UTRN: variants seen among roughly 807,000 people sequenced by gnomAD.
UTRN encodes dystrophin-related protein 1.
UTRN carries 283 observed loss-of-function variants against 463.9 expected under a neutral mutation model. The ratio of observed to expected loss-of-function variants is 0.61; its 90% confidence interval spans 0.55 to 0.67. The LOEUF is 0.67. Ranked by LOEUF, UTRN falls within the 30% of genes least tolerant of loss-of-function variation. The pLI, the probability that UTRN is intolerant of heterozygous loss-of-function variation, is 0.00. For synonymous variants in UTRN, 1,442 were observed against 1,431.5 expected, an observed-to-expected ratio of 1.01 and a Z score of -0.17; for missense variants, 3,922 against 4,084.3, an observed-to-expected ratio of 0.96 and a Z score of 1.08.
rs1029951513 is a variant in UTRN at position 144,436,772 on chromosome 6, TA to T, written c.1059+635del. ...TTTATTTTATATATATATTTATATA[TA>T]TAATAAATAAATATATATTTATATA... On this transcript the variant is annotated intron_variant, in intron 10 of 74. Coordinates refer to ENST00000367545, the MANE Select transcript of UTRN (RefSeq NM_007124.3). 1.6e-4 allele frequency among the ~76,000 whole-genome samples: 23 copies of T among 144,062 alleles called. 1 individual carries two copies. Among genetic ancestry groups the T allele is most frequent in the African/African-American group, 5.3e-4 (21 of 39,620 alleles). 94.5% of individuals were successfully genotyped at this position (144,062 alleles called of 152,430 possible).
Position 144,437,761 on chromosome 6 carries a change from A to T in UTRN, c.1241+15A>T, listed in dbSNP as rs774357687. The T allele has an allele frequency of 6.2e-7, 1 of 1,601,334 alleles. No homozygotes were observed. Among genetic ancestry groups the T allele is most frequent in the Admixed American group, 1.7e-5 (1 of 57,614 alleles). Reference sequence around the variant, plus strand: ...AGACAGTCCCGGTGAGTGGAAAGCCAAGAAATGCACTTAATTCCACAGGCT... The same window carrying T: ...AGACAGTCCCGGTGAGTGGAAAGCCTAGAAATGCACTTAATTCCACAGGCT... On this transcript the variant is annotated intron_variant, in intron 11 of 74. Coordinates refer to ENST00000367545, the MANE Select transcript of UTRN (RefSeq NM_007124.3).
At chr6:144,301,808 A>G (rs570780274) in intron 2 of UTRN, among the ~76,000 whole-genome samples, 1 of 152,006 alleles carries the variant, frequency 6.6e-6, no homozygotes, top group South Asian at 2.1e-4. Flanking sequence ...ATACTGGATT[A>G]CAGGCGTGAG....
chr6:144,492,579 C>T (rs1463679581), intron 32 of UTRN, among the ~76,000 whole-genome samples: 1 of 152,160 alleles, frequency 6.6e-6, no homozygotes, highest in Non-Finnish European at 1.5e-5. Context: ...ATGTTTAGTT[C>T]TTTGAGATAT....
rs569847112 is a variant in UTRN, at chr6:144,554,332, C to T, written c.6929-356C>T. ...AGTTCTGTCATGAAGTACTGTTAAA[C>T]CCTACCTTCATCAAACCAGGTCTAT... On this transcript the variant is annotated intron_variant, in intron 48 of 74. Transcript: ENST00000367545. Among the ~76,000 whole-genome samples the T allele has an allele frequency of 2.6e-5, 4 of 152,280 alleles. 1 individual carries two copies. In the South Asian group the frequency reaches 8.3e-4, roughly 32 times the overall value.
intron 51 of UTRN, among the ~76,000 whole-genome samples, chr6:144,580,259 G>A (rs1418513593): frequency 7.5e-6 from 1 of 133,924 alleles, no homozygotes; most frequent in Non-Finnish European, 1.6e-5. Context: ...CAGTCTTTGT[G>A]CACTAAGGAA....
intron 54 of UTRN, among the ~76,000 whole-genome samples, chr6:144,746,403 C>T (rs1790747415): frequency 6.6e-6 from 1 of 152,206 alleles, no homozygotes; most frequent in African/African-American, 2.4e-5. Context: ...GCAATCCTGA[C>T]ATGTTGCATG....
intron 2 of UTRN, among the ~76,000 whole-genome samples, chr6:144,326,090 A>G (rs1211382368): frequency 6.6e-6 from 1 of 152,202 alleles, no homozygotes; most frequent in African/African-American, 2.4e-5. Flanking sequence ...ATAACAGAGG[A>G]AAGGGGATGC....
chr6:144,600,467 TTAG>T (rs1326719716), intron 51 of UTRN, among the ~76,000 whole-genome samples: 5 of 152,336 alleles, frequency 3.3e-5, no homozygotes, highest in South Asian at 2.1e-4. Flanking sequence ...TGAGAACATT[TTAG>T]TGGTCTGGAT....
chr6:144,720,671 G>T (rs1787041956), intron 53 of UTRN, among the ~76,000 whole-genome samples: 1 of 152,298 alleles, frequency 6.6e-6, no homozygotes, highest in East Asian at 1.9e-4. Flanking sequence ...TACCTTCAAT[G>T]TGTTTATTCT....
Position 144,594,338 on chromosome 6 carries a change from T to C in UTRN, c.7479+17050T>C, listed in dbSNP as rs137968875. Among the ~76,000 whole-genome samples, 424 of 152,340 alleles carry C rather than the reference T, an allele frequency of 2.8e-3. 2 individuals carry two copies. The highest frequency in any genetic ancestry group is 8.5e-3 in the African/African-American group (354 of 41,576). Reference sequence around the variant, plus strand: ...CATATTTAAGCTCCCAGGAGATTACTGTAGTATCTTTCACTACATCTTATG... The same window carrying C: ...CATATTTAAGCTCCCAGGAGATTACCGTAGTATCTTTCACTACATCTTATG... On this transcript the variant is annotated intron_variant, in intron 51 of 74. Transcript: ENST00000367545.
In UTRN at chr6:144,523,051, G is replaced by T; in HGVS notation, c.5769G>T (p.Gln1923His). ...IKDQLDKLGE[Q>H]IAVIHEKQPD... ...ACCAACTGGACAAACTTGGAGAGCA[G>T]ATTGCAGTCATTCATGAAAAACAGC... The change falls in exon 41 of 75, where the codon CAG becomes CAT. Residue 1923 changes from glutamine (Q) to histidine (H), a missense_variant. This residue lies in a region of UTRN where 2,349 missense variants were observed against 2,303.8 expected (regional missense o/e 1.02). Transcript: ENST00000367545. The T allele has an allele frequency of 6.2e-7, 1 of 1,612,544 alleles. No individual in the cohort carries two copies. Among genetic ancestry groups the T allele is most frequent in the Non-Finnish European group, 8.5e-7 (1 of 1,179,490 alleles).
intron 2 of UTRN, among the ~76,000 whole-genome samples, chr6:144,363,537 G>A (rs1053706118): frequency 6.6e-6 from 1 of 152,174 alleles, no homozygotes; most frequent in South Asian, 2.1e-4. Flanking sequence ...AGGAATTTGT[G>A]CAGTAGCAAA....
chr6:144,673,480 C>T (rs943805708), intron 51 of UTRN, among the ~76,000 whole-genome samples: 1 of 151,998 alleles, frequency 6.6e-6, no homozygotes, highest in East Asian at 1.9e-4. Flanking sequence ...CTTTTGGTTT[C>T]CATTTGCATG....
chr6:144,802,794 AATAG>A (rs1334788684), intron 64 of UTRN, among the ~76,000 whole-genome samples: 1 of 152,156 alleles, frequency 6.6e-6, no homozygotes, highest in Non-Finnish European at 1.5e-5. Flanking sequence ...GTTTCAACTT[AATAG>A]ATATAATTCT....
chr6:144,433,916 A>C (rs995129631), intron 9 of UTRN, among the ~76,000 whole-genome samples: 1 of 149,406 alleles, frequency 6.7e-6, no homozygotes, highest in African/African-American at 2.5e-5. Flanking sequence ...CCAGGCAGAG[A>C]CGCTCCTCAC....
At chr6:144,612,690 C>T (rs1461260417) in intron 51 of UTRN, among the ~76,000 whole-genome samples, 1 of 151,868 alleles carries the variant, frequency 6.6e-6, no homozygotes, top group Non-Finnish European at 1.5e-5. Context: ...TTGTCAAAAA[C>T]ATGAAAGATA....
intron 5 of UTRN, 104 bp from the exon 6 acceptor site, chr6:144,423,882 T>C (rs1408500493): frequency 8.6e-7 from 1 of 1,163,576 alleles, no homozygotes; most frequent in Admixed American, 2.2e-5. Context: ...CTCTTATCTC[T>C]CACTTATACT....
In UTRN at chr6:144,824,590, A is replaced by C. The variant is rs865980974; in HGVS notation, c.9495-2758A>C. On this transcript the variant is annotated intron_variant, in intron 66 of 74. Transcript: ENST00000367545. ...ATTTTATTTATATATATATATATATATATATATATATATATATATATATCT... is the reference window on the plus strand; with the variant it reads ...ATTTTATTTATATATATATATATATCTATATATATATATATATATATATCT... Among the ~76,000 whole-genome samples the C allele has an allele frequency of 2.2e-3, 105 of 46,828 alleles. 5 individuals are homozygous for C. Among genetic ancestry groups the C allele is most frequent in the East Asian group, 0.011 (9 of 836 alleles). 30.7% of individuals were successfully genotyped at this position (46,828 alleles called of 152,430 possible).
chr6:144,661,900 TTAGTA>T (rs1355169456), intron 51 of UTRN, among the ~76,000 whole-genome samples: 4 of 152,220 alleles, frequency 2.6e-5, no homozygotes, highest in Non-Finnish European at 4.4e-5. Context: ...CTCCCATGTC[TTAGTA>T]TTTGTCTTAT....
Sources: gnomAD v4.1 joint callset for allele counts (sites outside exome capture counted in the v4.1 genomes callset) on GRCh38, gnomAD v4.1.1 for gene constraint, gnomAD v4.1.1 regional missense constraint, MANE v1.5 for transcripts, NCBI Gene and HGNC (gene_info 2026-07-23, HGNC 2026-07-21) for gene names.